Variants in RASA4B observed in about 807,000 individuals in gnomAD.
RASA4B encodes the protein ras GTPase-activating protein 4B.
RASA4B carries 2 observed loss-of-function variants against 24.2 expected under a neutral mutation model. The ratio of observed to expected loss-of-function variants is 0.08; its 90% confidence interval spans 0.03 to 0.26. The LOEUF is 0.26. RASA4B is among the 10% of genes least tolerant of loss of function. The pLI, the probability that RASA4B is intolerant of heterozygous loss-of-function variation, is 1.00. For synonymous variants in RASA4B, 2 were observed against 125.6 expected, an observed-to-expected ratio of 0.02 and a Z score of 6.58; for missense variants, 8 against 277.2, an observed-to-expected ratio of 0.03 and a Z score of 6.90.
At chr7:102,493,364 G>C in intron 15 of RASA4B, 79 bp from the exon 16 acceptor site, 1 of 191,732 alleles carries the variant, frequency 5.2e-6, no homozygotes, top group Non-Finnish European at 1.0e-5. Context: ...AGTGGGAGGG[G>C]CCATGGGGCT....
Position 102,480,351 on chromosome 7 carries a change from C to G in RASA4B, c.*3241G>C, listed in dbSNP as rs1370595276. 1.3e-5 allele frequency among the ~76,000 whole-genome samples: 2 copies of G among 151,568 alleles called. No individual in the cohort carries two copies. Among genetic ancestry groups the G allele is most frequent in the Non-Finnish European group, 2.9e-5 (2 of 67,864 alleles). On this transcript the variant is annotated 3_prime_UTR_variant, in exon 21 of 21. Coordinates refer to ENST00000465829, the MANE Select transcript of RASA4B (RefSeq NM_001367767.2). ...AGGGGGTTGGCAGAAGCCAGCAAGG[C>G]TTGGGGTTTCCCTGTTTGGAGCTCT...
intron 4 of RASA4B, among the ~76,000 whole-genome samples, chr7:102,509,075 GGGATTACA>G (rs1799625136): frequency 3.5e-5 from 1 of 28,258 alleles, no homozygotes; most frequent in African/African-American, 7.6e-5. Flanking sequence ...CCAAAGTGCT[GGGATTACA>G]GGTGTGAGCC....
At chr7:102,489,951 C>T (rs1488432737) in intron 17 of RASA4B, among the ~76,000 whole-genome samples, 18 of 112,168 alleles carry the variant, frequency 1.6e-4, no homozygotes, top group African/African-American at 5.5e-4. Context: ...TCATGGCTGG[C>T]TAATTTTCTT....
chr7:102,513,485 T>TG (rs1799780469), intron 1 of RASA4B, among the ~76,000 whole-genome samples: 1 of 72,200 alleles, frequency 1.4e-5, no homozygotes, highest in African/African-American at 4.7e-5. Flanking sequence ...TCTCAGGTGT[T>TG]GGGGGGCTCC....
At chr7:102,500,498 A>G (rs1185718743) in intron 8 of RASA4B, among the ~76,000 whole-genome samples, 2 of 143,470 alleles carry the variant, frequency 1.4e-5, no homozygotes, top group Admixed American at 7.1e-5. Flanking sequence ...AAATAAATAA[A>G]TAATAAATAA....
intron 6 of RASA4B, among the ~76,000 whole-genome samples, chr7:102,502,349 C>T (rs1357736451): frequency 7.9e-5 from 2 of 25,294 alleles, no homozygotes; most frequent in Admixed American, 1.1e-3. Flanking sequence ...GTATACTGCT[C>T]GGGTGATGGG....
chr7:102,497,275 A>G (rs1799182618), intron 8 of RASA4B, among the ~76,000 whole-genome samples: 1 of 151,680 alleles, frequency 6.6e-6, no homozygotes, highest in South Asian at 2.1e-4. Flanking sequence ...AGATAATGGC[A>G]CCATCATGGG....
intron 11 of RASA4B, 130 bp downstream of exon 11, chr7:102,496,010 T>C: frequency 9.3e-7 from 1 of 1,077,288 alleles, no homozygotes; most frequent in Non-Finnish European, 1.4e-6. Flanking sequence ...CCCAGCCACA[T>C]TCTTAACCTT....
At position 102,498,532 on chromosome 7, in the gene RASA4B, T is replaced by G. The variant is rs550026361; in HGVS notation, c.738-1568A>C. On this transcript the variant is annotated intron_variant, in intron 8 of 20. Coordinates refer to ENST00000465829, the MANE Select transcript of RASA4B (RefSeq NM_001367767.2). ...GCCTCGGCCACCCAAGTGCTGAGAT[T>G]ACAGGCATGAGCCACCGCACCCGGC... Among the ~76,000 whole-genome samples, 4 of 145,530 alleles carry G rather than the reference T, an allele frequency of 2.7e-5. 1 individual carries two copies. In the East Asian group the frequency reaches 6.1e-4, roughly 22 times the overall value.
At chr7:102,489,698 C>T (rs1440055315) in intron 17 of RASA4B, among the ~76,000 whole-genome samples, 9 of 148,882 alleles carry the variant, frequency 6.0e-5, no homozygotes, top group African/African-American at 1.5e-4. Flanking sequence ...TAGGACAGAC[C>T]GCTCCCTGCT....
intron 2 of RASA4B, among the ~76,000 whole-genome samples, chr7:102,511,472 C>G (rs1010511456): frequency 3.4e-5 from 4 of 117,702 alleles, no homozygotes; most frequent in African/African-American, 1.2e-4. Context: ...CAGACTTGGG[C>G]TCCAGTTGTG....
chr7:102,508,802 CATTT>C lies in RASA4B; in HGVS notation c.298+793_298+796del, dbSNP rs1173390107. On this transcript the variant is annotated intron_variant, in intron 4 of 20. Coordinates refer to ENST00000465829, the MANE Select transcript of RASA4B (RefSeq NM_001367767.2). ...TTATTTTTTATTTTTATTTTTTATTCATTTATTTATTTATTTATTTTTGAGGTGG... is the reference window on the plus strand; with the variant it reads ...TTATTTTTTATTTTTATTTTTTATTCATTTATTTATTTATTTTTGAGGTGG... 9.0e-4 allele frequency among the ~76,000 whole-genome samples: 134 copies of C among 149,220 alleles called. 3 individuals carry two copies. Among genetic ancestry groups the C allele is most frequent in the Middle Eastern group, 3.5e-3 (1 of 288 alleles).
rs1463554782 is a variant in RASA4B at position 102,481,769 on chromosome 7, C to T, written c.*1823G>A. Among the ~76,000 whole-genome samples, 2 of 151,352 alleles carry T rather than the reference C, an allele frequency of 1.3e-5. No individual in the cohort carries two copies. Among genetic ancestry groups the T allele is most frequent in the East Asian group, 1.9e-4 (1 of 5,182 alleles). ...CTGAGGTAGATGTCTAAGTTCAAAG[C>T]CCACTCCTCCCTTCTGGGGGTCCCA... On this transcript the variant is annotated 3_prime_UTR_variant, in exon 21 of 21. Transcript: ENST00000465829.
intron 8 of RASA4B, among the ~76,000 whole-genome samples, chr7:102,498,302 C>T (rs1381522591): frequency 6.6e-6 from 1 of 150,638 alleles, no homozygotes; most frequent in East Asian, 2.0e-4. Context: ...TGCTCTGTCA[C>T]CCAGGCTGGA....
At chr7:102,489,954 A>AT (rs1186963591) in intron 17 of RASA4B, among the ~76,000 whole-genome samples, 6 of 107,368 alleles carry the variant, frequency 5.6e-5, no homozygotes, top group African/African-American at 2.0e-4. Context: ...TGGCTGGCTA[A>AT]TTTTCTTTTT....
chr7:102,489,614 C>T (rs1265127175), intron 17 of RASA4B, among the ~76,000 whole-genome samples: 6 of 149,204 alleles, frequency 4.0e-5, no homozygotes, highest in East Asian at 2.1e-4. Context: ...TGCCTCAGCC[C>T]CCCAAGTAGC....
At chr7:102,502,315 A>G (rs2133333543) in intron 6 of RASA4B, among the ~76,000 whole-genome samples, 1 of 14,986 alleles carries the variant, frequency 6.7e-5, no homozygotes, top group African/African-American at 1.3e-4. Flanking sequence ...GGTGAGGGAT[A>G]AAAGACTACA....
In RASA4B at chr7:102,480,945, AC is replaced by A. The variant is rs371001730; in HGVS notation, c.*2646del. ...AAGTGCAGTATCTTATCACACCTTT[AC>A]AAAATTAATAATTCCAATCATCCTA... On this transcript the variant is annotated 3_prime_UTR_variant, in exon 21 of 21. Transcript: ENST00000465829. 3.5e-3 allele frequency among the ~76,000 whole-genome samples: 307 copies of A among 86,494 alleles called. 10 individuals are homozygous for A. The highest frequency in any genetic ancestry group is 8.6e-3 in the African/African-American group (261 of 30,476). The allele number at this position is 86,494 out of a possible 152,430, so 56.7% of individuals were successfully genotyped here. A position where few individuals can be genotyped will look rare whatever the true frequency, so the allele number is the denominator to read the frequency against.
Position 102,481,214 on chromosome 7 carries a change from CTTTTTT to C in RASA4B, c.*2372_*2377del, listed in dbSNP as rs538913748. ...AAATTTCAAGTCTCCTTTATTTTCC[CTTTTTT>C]TTTTTTTTTTTTTTAATTTTAGGGA... On this transcript the variant is annotated 3_prime_UTR_variant, in exon 21 of 21. Transcript: ENST00000465829. Among the ~76,000 whole-genome samples, 3 of 64,826 alleles carry C rather than the reference CTTTTTT, an allele frequency of 4.6e-5. No individual in the cohort carries two copies. Among genetic ancestry groups the C allele is most frequent in the East Asian group, 1.4e-3 (2 of 1,438 alleles). The allele number at this position is 64,826 out of a possible 152,430, so 42.5% of individuals were successfully genotyped here.
Sources: allele counts gnomAD v4.1 joint callset (sites outside exome capture counted in the v4.1 genomes callset), GRCh38; gene constraint gnomAD v4.1.1; transcripts MANE v1.5; gene names NCBI Gene and HGNC (gene_info 2026-07-23, HGNC 2026-07-21).